RXRG: variants seen among roughly 807,000 people sequenced by gnomAD.
The protein encoded by RXRG is retinoid X receptor gamma.
Under a neutral mutation model 49.2 loss-of-function variants are expected in RXRG, and 19 were observed. The observed-to-expected ratio is 0.39, with a 90% CI of 0.27 to 0.57. The LOEUF (loss-of-function observed/expected upper bound fraction) is 0.57. Ranked by LOEUF, RXRG falls within the 20% of genes least tolerant of loss-of-function variation. The probability of loss-of-function intolerance (pLI) is 0.64; values close to 1 mark genes in which losing one functional copy is unlikely to be tolerated. For missense variants in RXRG, 452 were observed against 592.5 expected, an observed-to-expected ratio of 0.76 and a Z score of 2.46; for synonymous variants, 224 against 216.6, an observed-to-expected ratio of 1.03 and a Z score of -0.30.
intron 1 of RXRG, among the ~76,000 whole-genome samples, chr1:165,438,413 A>T (rs1211774992): frequency 6.6e-6 from 1 of 152,212 alleles, no homozygotes; most frequent in African/African-American, 2.4e-5. Flanking sequence ...GATAAGGGAT[A>T]CTTAACTTGC....
At chr1:165,414,129 G>C (rs148705896) in intron 4 of RXRG, among the ~76,000 whole-genome samples, 333 of 152,320 alleles carry the variant, frequency 2.2e-3, no homozygotes, top group African/African-American at 7.5e-3. Context: ...GTCAGCGGAG[G>C]AATTGATTCA....
intron 1 of RXRG, among the ~76,000 whole-genome samples, chr1:165,440,632 G>A (rs1658953871): frequency 6.6e-6 from 1 of 151,886 alleles, no homozygotes; most frequent in Non-Finnish European, 1.5e-5. Context: ...AGCCAGGGCT[G>A]AGTCAATCTC....
chr1:165,436,688 G>A (rs998982493), intron 1 of RXRG, among the ~76,000 whole-genome samples: 2 of 152,146 alleles, frequency 1.3e-5, no homozygotes, highest in African/African-American at 4.8e-5. Context: ...GCCATGACCT[G>A]GGACTTCCAA....
At chr1:165,421,519 T>G (rs1658312876) in intron 2 of RXRG, among the ~76,000 whole-genome samples, 1 of 140,904 alleles carries the variant, frequency 7.1e-6, no homozygotes, top group Admixed American at 7.7e-5. Context: ...GGGCCTTGGC[T>G]CTGGCATTTC....
At chr1:165,409,750 A>G in intron 6 of RXRG, 60 bp from the exon 7 acceptor site, 4 of 1,370,760 alleles carry the variant, frequency 2.9e-6, no homozygotes, top group Non-Finnish European at 2.9e-6. Context: ...TTTACTTATA[A>G]TCACCCAAGG....
intron 2 of RXRG, among the ~76,000 whole-genome samples, chr1:165,427,966 T>G (rs1418509482): frequency 6.6e-6 from 1 of 152,218 alleles, no homozygotes; most frequent in African/African-American, 2.4e-5. Flanking sequence ...TAGCCTAAGG[T>G]AGACATATGA....
chr1:165,401,471 G>C (rs1320091430), intron 9 of RXRG, 61 bp from the exon 10 acceptor site: 2 of 1,593,416 alleles, frequency 1.3e-6, no homozygotes, highest in African/African-American at 2.7e-5. Context: ...ACCTGCACCT[G>C]CTGGCAGGAG....
chr1:165,435,220 A>G (rs1009404522), intron 1 of RXRG, among the ~76,000 whole-genome samples: 6 of 152,228 alleles, frequency 3.9e-5, no homozygotes, highest in African/African-American at 7.2e-5. Context: ...TTGATTCACA[A>G]GCATTTCCAA....
chr1:165,421,575 G>C (rs1314749553), intron 2 of RXRG, among the ~76,000 whole-genome samples: 1 of 149,448 alleles, frequency 6.7e-6, no homozygotes, highest in Admixed American at 6.7e-5. Context: ...TGTTGCCCAG[G>C]CTGGAGTGCA....
intron 2 of RXRG, among the ~76,000 whole-genome samples, chr1:165,420,635 C>T (rs1174131837): frequency 1.3e-5 from 2 of 152,178 alleles, no homozygotes; most frequent in African/African-American, 2.4e-5. Context: ...GATGCTAACT[C>T]GAATACATCC....
At chr1:165,416,526 A>C (rs1658132540) in intron 4 of RXRG, among the ~76,000 whole-genome samples, 3 of 152,192 alleles carry the variant, frequency 2.0e-5, no homozygotes, top group African/African-American at 7.2e-5. Context: ...CAAAGATTTG[A>C]TAGCAGACCC....
chr1:165,403,447 C>T (rs1344986826), intron 9 of RXRG, among the ~76,000 whole-genome samples: 6 of 152,150 alleles, frequency 3.9e-5, no homozygotes, highest in African/African-American at 1.4e-4. Flanking sequence ...TATTTCTACA[C>T]TTATGCCATA....
chr1:165,413,790 AG>A (rs1331866162), intron 4 of RXRG, among the ~76,000 whole-genome samples: 1 of 145,070 alleles, frequency 6.9e-6, no homozygotes, highest in Non-Finnish European at 1.5e-5. Context: ...TGTGTGGGCT[AG>A]GCTCTCCAAA....
At chr1:165,404,383 GC>G (rs1557908208) in intron 9 of RXRG, among the ~76,000 whole-genome samples, 1 of 152,170 alleles carries the variant, frequency 6.6e-6, no homozygotes, top group Non-Finnish European at 1.5e-5. Flanking sequence ...AGGCAGCCCA[GC>G]CCCCTGCCAG....
intron 1 of RXRG, among the ~76,000 whole-genome samples, chr1:165,435,116 G>A (rs1208989953): frequency 6.6e-6 from 1 of 152,164 alleles, no homozygotes; most frequent in Non-Finnish European, 1.5e-5. Flanking sequence ...ATGTTCATTG[G>A]AGTATTTGGG....
intron 4 of RXRG, among the ~76,000 whole-genome samples, chr1:165,414,918 G>A (rs1040132634): frequency 6.6e-6 from 1 of 152,148 alleles, no homozygotes; most frequent in African/African-American, 2.4e-5. Flanking sequence ...TCAGCATTCA[G>A]TTTAAACTAT....
At chr1:165,434,155 A>C (rs1296548089) in intron 1 of RXRG, among the ~76,000 whole-genome samples, 1 of 152,186 alleles carries the variant, frequency 6.6e-6, no homozygotes, top group African/African-American at 2.4e-5. Context: ...AGGTCCATTA[A>C]TTTTTTGTTA....
At chr1:165,430,048 C>T (rs868719074) in intron 1 of RXRG, among the ~76,000 whole-genome samples, 3 of 152,166 alleles carry the variant, frequency 2.0e-5, no homozygotes, top group Admixed American at 6.5e-5. Flanking sequence ...CATGCAAGAA[C>T]AGATGTGAAG....
At chr1:165,437,730 G>A (rs1360252012) in intron 1 of RXRG, among the ~76,000 whole-genome samples, 1 of 152,122 alleles carries the variant, frequency 6.6e-6, no homozygotes, top group Non-Finnish European at 1.5e-5. Context: ...TGCCTCCATG[G>A]ACTAACTGGT....
Sources: gnomAD v4.1 joint callset for allele counts (sites outside exome capture counted in the v4.1 genomes callset) on GRCh38, gnomAD v4.1.1 for gene constraint, MANE v1.5 for transcripts, NCBI Gene and HGNC (gene_info 2026-07-23, HGNC 2026-07-21) for gene names.